Variants in ABCA9 observed in about 807,000 individuals in gnomAD.
The protein encoded by ABCA9 is ATP binding cassette subfamily A member 9, also known as ATP-binding cassette sub-family A member 9.
In ABCA9, 183 loss-of-function variants were observed where a neutral mutation model predicts 205.3. The ratio of observed to expected loss-of-function variants is 0.89; its 90% confidence interval spans 0.79 to 1.01. The LOEUF (loss-of-function observed/expected upper bound fraction) is 1.01. Among genes scored for constraint, ABCA9 ranks in the 50% least tolerant of loss-of-function variants. The pLI, the probability that ABCA9 is intolerant of heterozygous loss-of-function variation, is 0.00. For synonymous variants in ABCA9, 651 were observed against 683.3 expected, an observed-to-expected ratio of 0.95 and a Z score of 0.74; for missense variants, 1,805 against 1,912.4, an observed-to-expected ratio of 0.94 and a Z score of 1.05.
chr17:68,990,913 G>C lies in ABCA9; in HGVS notation c.3761C>G (p.Pro1254Arg), dbSNP rs1221684385. The change falls in exon 29 of 39, where the codon CCT becomes CGT. Residue 1254 changes from proline to arginine, a missense_variant. By Grantham distance (103) the Pro-to-Arg change is moderately radical (BLOSUM62 -2). Transcript: ENST00000340001. ...SNAIFPNPEE[P>R]EGEEEDIQME... ...CTGGATATCTTCCTCCTCTCCTTCA[G>C]GCTCTTCTGGGTTTGGAAAAATAGC... is the stretch of plus-strand genomic sequence containing the variant. 1 of 1,613,732 alleles carries C rather than the reference G, an allele frequency of 6.2e-7. No individual in the cohort carries two copies. The highest frequency in any genetic ancestry group is 8.5e-7 in the Non-Finnish European group (1 of 1,179,888).
At chr17:68,997,594 C>CTTTTTTTTTTTTTTTTT in intron 25 of ABCA9, among the ~76,000 whole-genome samples, 1 of 125,396 alleles carries the variant, frequency 8.0e-6, no homozygotes, top group Non-Finnish European at 1.7e-5. Context: ...TATTTTTTTT[C>CTTTTTTTTTTTTTTTTT]TTTTTTTTTT....
intron 16 of ABCA9, among the ~76,000 whole-genome samples, 180 bp downstream of exon 16, chr17:69,026,197 G>C (rs1304971189): frequency 2.6e-5 from 4 of 152,194 alleles, no homozygotes; most frequent in Admixed American, 2.6e-4. Flanking sequence ...CATGCTCAAT[G>C]TCTATAATCT....
intron 16 of ABCA9, among the ~76,000 whole-genome samples, chr17:69,024,886 A>T (rs1003520754): frequency 1.3e-5 from 2 of 151,172 alleles, no homozygotes; most frequent in African/African-American, 4.9e-5. Flanking sequence ...GCCTGTCTTT[A>T]TTAAGAATAT....
At chr17:69,034,067 T>C (rs2071250261) in intron 8 of ABCA9, among the ~76,000 whole-genome samples, 194 bp from the exon 9 acceptor site, 1 of 152,116 alleles carries the variant, frequency 6.6e-6, no homozygotes. Flanking sequence ...TGAATGGAAG[T>C]TAGTACTAGT....
intron 26 of ABCA9, 58 bp from the exon 27 acceptor site, chr17:68,993,142 T>C: frequency 7.0e-7 from 1 of 1,437,096 alleles, no homozygotes; most frequent in Non-Finnish European, 9.8e-7. Flanking sequence ...TCATGGAATT[T>C]ATCCCACTTA....
chr17:68,992,833 G>C (rs1404559469), intron 27 of ABCA9, among the ~76,000 whole-genome samples, 183 bp downstream of exon 27: 1 of 149,024 alleles, frequency 6.7e-6, no homozygotes, highest in Non-Finnish European at 1.5e-5. Context: ...AAAGGGGGGG[G>C]GTCCAGGTTA....
chr17:69,001,136 G>A (rs1466515467), intron 25 of ABCA9, among the ~76,000 whole-genome samples: 1 of 151,232 alleles, frequency 6.6e-6, no homozygotes, highest in African/African-American at 2.4e-5. Context: ...AATTGCCCTG[G>A]CCAGAACGTC....
the ABCA9 span, among the ~76,000 whole-genome samples, chr17:69,073,854 GCTAA>G: frequency 9.2e-5 from 14 of 151,982 alleles, no homozygotes; most frequent in Admixed American, 9.2e-4. Flanking sequence ...ATACCACCCG[GCTAA>G]CTTTTACTTT....
At chr17:68,985,180 G>A (rs745549439) in intron 32 of ABCA9, 52 bp from the exon 33 acceptor site, 14 of 1,612,092 alleles carry the variant, frequency 8.7e-6, no homozygotes, top group Non-Finnish European at 1.1e-5. Flanking sequence ...GAATGTACAT[G>A]GGAGAATGAG....
At chr17:69,004,232 T>C (rs2070016578) in intron 25 of ABCA9, among the ~76,000 whole-genome samples, 1 of 152,218 alleles carries the variant, frequency 6.6e-6, no homozygotes, top group African/African-American at 2.4e-5. Flanking sequence ...TTCTGTTTTT[T>C]CCCCATCTTT....
rs747770936 is a variant in ABCA9, at chr17:69,020,560, T to C, written c.2428A>G (p.Thr810Ala). Reference protein sequence around the residue: ...SDIGIWGQLQTDGAKDIGSLV... With the variant: ...SDIGIWGQLQADGAKDIGSLV... ...CTTCCTATATCTTTTGCCCCATCAG[T>C]TTGTAATTGTCCCCAAATTCCAATA... Residue 810 changes from threonine to alanine, a missense_variant, in exon 19 of 39, where the codon ACT becomes GCT. By Grantham distance (58) the Thr-to-Ala change is moderately conservative. Coordinates refer to ENST00000340001, the MANE Select transcript of ABCA9 (RefSeq NM_080283.4). 53 of 1,613,728 alleles carry C rather than the reference T, an allele frequency of 3.3e-5. No homozygotes were observed. In the African/African-American group the frequency reaches 6.3e-4, roughly 19 times the overall value.
upstream of ABCA9, among the ~76,000 whole-genome samples, chr17:69,064,097 T>TGGGCA (rs1226932522): frequency 6.6e-6 from 1 of 152,246 alleles, no homozygotes; most frequent in Non-Finnish European, 1.5e-5. Context: ...CTACTATCCA[T>TGGGCA]GGGCAGGGCA....
the ABCA9 span, among the ~76,000 whole-genome samples, chr17:69,068,312 C>G: frequency 1.3e-5 from 2 of 152,124 alleles, no homozygotes; most frequent in African/African-American, 4.8e-5. Context: ...AGATATCAAG[C>G]CAGTTACTTT....
chr17:68,986,064 A>G, intron 32 of ABCA9, 100 bp downstream of exon 32: 1 of 1,243,670 alleles, frequency 8.0e-7, no homozygotes, highest in Non-Finnish European at 1.1e-6. Context: ...TCCCACAAGC[A>G]TGGGGTCATC....
upstream of ABCA9, among the ~76,000 whole-genome samples, chr17:69,065,913 T>C (rs898520141): frequency 1.3e-5 from 2 of 152,046 alleles, no homozygotes; most frequent in Non-Finnish European, 2.9e-5. Flanking sequence ...AAGGGGCTTT[T>C]CCCCCCTTTT....
chr17:69,007,719 T>C (rs201620506), intron 25 of ABCA9, 40 bp downstream of exon 25: 5 of 1,266,886 alleles, frequency 3.9e-6, no homozygotes, highest in African/African-American at 3.0e-5. Flanking sequence ...CTTGGATTTA[T>C]GAAAAATGGT....
chr17:68,983,984 T>C (rs747196467), intron 35 of ABCA9, 72 bp downstream of exon 35: 563 of 1,604,912 alleles, frequency 3.5e-4, no homozygotes, highest in Non-Finnish European at 3.4e-4. Flanking sequence ...ATGGGTAGCC[T>C]GGTGCAGGGA....
chr17:68,992,832 G>A, intron 27 of ABCA9, 184 bp downstream of exon 27: 1 of 452,922 alleles, frequency 2.2e-6, no homozygotes, highest in Non-Finnish European at 3.9e-6. Flanking sequence ...AAAAGGGGGG[G>A]GGTCCAGGTT....
chr17:68,996,305 C>T (rs2069622827), intron 25 of ABCA9, among the ~76,000 whole-genome samples: 1 of 152,148 alleles, frequency 6.6e-6, no homozygotes, highest in Non-Finnish European at 1.5e-5. Flanking sequence ...ATTTATTGTA[C>T]ATTACTCTGC....
Sources: gnomAD v4.1 joint callset for allele counts (sites outside exome capture counted in the v4.1 genomes callset) on GRCh38, gnomAD v4.1.1 for gene constraint, MANE v1.5 for transcripts, NCBI Gene and HGNC (gene_info 2026-07-23, HGNC 2026-07-21) for gene names.